Variants in HAO1 observed in about 807,000 individuals in gnomAD.
HAO1 encodes the protein 2-Hydroxyacid oxidase 1.
Under a neutral mutation model 39.7 loss-of-function variants are expected in HAO1, and 34 were observed. The ratio of observed to expected loss-of-function variants is 0.86; its 90% CI spans 0.65 to 1.14. The LOEUF is 1.14. Ranked by LOEUF, HAO1 falls within the 50% of genes most tolerant of loss-of-function variation. The probability of loss-of-function intolerance (pLI) is 0.00; values close to 1 mark genes in which losing one functional copy is unlikely to be tolerated. For synonymous variants in HAO1, 172 were observed against 173.2 expected (o/e 0.99, Z 0.05); for missense variants, 479 against 464.5 (o/e 1.03, Z -0.29).
intron 5 of HAO1, among the ~76,000 whole-genome samples, chr20:7,888,491 A>G (rs1416969562): frequency 6.6e-6 from 1 of 152,196 alleles, no homozygotes; most frequent in Non-Finnish European, 1.5e-5. Context: ...AAAATAAACA[A>G]AAGTAGATGG....
At chr20:7,900,713 A>G (rs2050217746) in intron 4 of HAO1, among the ~76,000 whole-genome samples, 2 of 152,128 alleles carry the variant, frequency 1.3e-5, no homozygotes, top group South Asian at 4.1e-4. Context: ...CAATATTGAA[A>G]TCAGACCAAC....
At chr20:7,926,106 CTTTT>C (rs2050358188) in intron 2 of HAO1, among the ~76,000 whole-genome samples, 1 of 151,970 alleles carries the variant, frequency 6.6e-6, no homozygotes, top group Admixed American at 6.6e-5. Context: ...ATGTCACTGA[CTTTT>C]TATTGTTAGA....
chr20:7,903,522 CTGG>C (rs1238807729), intron 4 of HAO1, among the ~76,000 whole-genome samples: 1 of 143,742 alleles, frequency 7.0e-6, no homozygotes, highest in East Asian at 2.1e-4. Flanking sequence ...AGTGGTGATA[CTGG>C]TGGTGGTGGT....
intron 4 of HAO1, among the ~76,000 whole-genome samples, chr20:7,903,291 T>C (rs929723257): frequency 2.2e-4 from 3 of 13,836 alleles, no homozygotes; most frequent in African/African-American, 8.4e-4. Context: ...TCTCCTTATC[T>C]TTTTTTTTTT....
chr20:7,909,863 G>A (rs1293313044), intron 3 of HAO1, among the ~76,000 whole-genome samples: 2 of 152,030 alleles, frequency 1.3e-5, no homozygotes, highest in African/African-American at 4.8e-5. Flanking sequence ...TGAAAGAGGG[G>A]CTCATAAATA....
chr20:7,896,878 T>C (rs1013980280), intron 4 of HAO1, among the ~76,000 whole-genome samples: 5 of 152,202 alleles, frequency 3.3e-5, no homozygotes, highest in Non-Finnish European at 5.9e-5. Context: ...CTGTTGTGGC[T>C]ACTCACAAGA....
chr20:7,901,079 C>T (rs1327340021), intron 4 of HAO1, among the ~76,000 whole-genome samples: 1 of 152,066 alleles, frequency 6.6e-6, no homozygotes, highest in African/African-American at 2.4e-5. Flanking sequence ...TCTATAAAGG[C>T]TGAGAGAGGT....
At chr20:7,901,446 T>G (rs879380635) in intron 4 of HAO1, among the ~76,000 whole-genome samples, 4 of 152,052 alleles carry the variant, frequency 2.6e-5, no homozygotes, top group African/African-American at 4.8e-5. Flanking sequence ...GCTCTATAAA[T>G]AAAACAACAG....
chr20:7,920,854 C>T (rs865915073), intron 2 of HAO1, among the ~76,000 whole-genome samples: 79 of 152,124 alleles, frequency 5.2e-4, no homozygotes, highest in African/African-American at 1.7e-3. Flanking sequence ...GATATCTCTT[C>T]AACATGCTGA....
At chr20:7,909,407 T>C (rs1253451898) in intron 3 of HAO1, among the ~76,000 whole-genome samples, 1 of 115,224 alleles carries the variant, frequency 8.7e-6, no homozygotes, top group Admixed American at 8.3e-5. Flanking sequence ...ATATATATGC[T>C]TAAAGTGGCT....
intron 1 of HAO1, among the ~76,000 whole-genome samples, chr20:7,936,548 T>TGTGTGTGTGTGTGTGTGTGTGTGAG: frequency 2.0e-5 from 1 of 50,756 alleles, no homozygotes; most frequent in Admixed American, 2.3e-4. Flanking sequence ...GTGTGTGTGT[T>TGTGTGTGTGTGTGTGTGTGTGTGAG]CGCGCGCGCG....
At position 7,914,358 on chromosome 20, in the gene HAO1, T is replaced by C; in HGVS notation, c.351A>G (p.Glu117=). Reference sequence around the variant, plus strand: ...GTGCCTCAGGACCAGCTTCCGCCACTTCTTCAATTGAGGAGGTGGCCCAGG... The same window carrying C: ...GTGCCTCAGGACCAGCTTCCGCCACCTCTTCAATTGAGGAGGTGGCCCAGG... ...LSSWATSSIE[E]VAEAGPEALR... The change falls in exon 3 of 8, where the codon GAA becomes GAG. Residue 117 remains glutamate, a synonymous_variant. Transcript: ENST00000378789. 2 of 1,613,858 alleles carry C rather than the reference T, an allele frequency of 1.2e-6. No homozygotes were observed. Among genetic ancestry groups the C allele is most frequent in the Non-Finnish European group, 1.7e-6 (2 of 1,179,860 alleles).
intron 4 of HAO1, among the ~76,000 whole-genome samples, chr20:7,898,989 T>C (rs2050209620): frequency 6.6e-6 from 1 of 151,982 alleles, no homozygotes; most frequent in Admixed American, 6.6e-5. Flanking sequence ...GACAATGGTA[T>C]TTTTTCAAAC....
chr20:7,917,976 A>G (rs1251757536), intron 2 of HAO1, among the ~76,000 whole-genome samples: 5 of 152,202 alleles, frequency 3.3e-5, no homozygotes, highest in African/African-American at 1.2e-4. Context: ...TCTTGATTCT[A>G]CCTTGATACA....
At chr20:7,932,887 C>A (rs1249921408) in intron 2 of HAO1, among the ~76,000 whole-genome samples, 1 of 152,044 alleles carries the variant, frequency 6.6e-6, no homozygotes. Flanking sequence ...ATGGAATTTA[C>A]ATTTTTAGAG....
At chr20:7,902,083 C>A (rs1481078234) in intron 4 of HAO1, among the ~76,000 whole-genome samples, 4 of 152,200 alleles carry the variant, frequency 2.6e-5, no homozygotes, top group African/African-American at 7.2e-5. Context: ...GGGATGGAAT[C>A]AACTCCTGGT....
At chr20:7,932,747 T>G (rs13038486) in intron 2 of HAO1, among the ~76,000 whole-genome samples, 11,133 of 152,190 alleles carry the variant, frequency 0.073, 525 homozygotes, top group East Asian at 0.2. Context: ...TTATAAGATG[T>G]TTGGGTATTT....
At chr20:7,930,627 G>T (rs1445070325) in intron 2 of HAO1, among the ~76,000 whole-genome samples, 1 of 152,134 alleles carries the variant, frequency 6.6e-6, no homozygotes, top group Non-Finnish European at 1.5e-5. Flanking sequence ...TGTGTTCATG[G>T]GCAGGCAACC....
intron 2 of HAO1, among the ~76,000 whole-genome samples, chr20:7,921,704 C>A (rs999337258): frequency 2.0e-5 from 3 of 152,130 alleles, no homozygotes; most frequent in Non-Finnish European, 4.4e-5. Context: ...GGAATCAATC[C>A]AGGTGCCCAC....
Sources: allele counts gnomAD v4.1 joint callset (sites outside exome capture counted in the v4.1 genomes callset), GRCh38; gene constraint gnomAD v4.1.1; transcripts MANE v1.5; gene names NCBI Gene and HGNC (gene_info 2026-07-23, HGNC 2026-07-21).